Variants in MAGI2 observed in about 807,000 individuals in gnomAD.
The protein encoded by MAGI2 is membrane associated guanylate kinase, WW and PDZ domain containing 2, also known as membrane-associated guanylate kinase, WW and PDZ domain-containing protein 2.
A neutral mutation model predicts 133.3 loss-of-function variants in MAGI2; 35 were observed. The ratio of observed to expected loss-of-function variants is 0.26; its 90% CI spans 0.20 to 0.35. MAGI2 has a LOEUF of 0.35. Among genes scored for constraint, MAGI2 ranks in the 10% least tolerant of loss-of-function variants. The pLI is 1.00. For missense variants in MAGI2, 1,636 were observed against 1,863.4 expected, an observed-to-expected ratio of 0.88 and a Z score of 2.25; for synonymous variants, 729 against 710.6, an observed-to-expected ratio of 1.03 and a Z score of -0.41.
chr7:78,662,813 C>T (rs1467381062), intron 2 of MAGI2, among the ~76,000 whole-genome samples: 2 of 152,100 alleles, frequency 1.3e-5, no homozygotes, highest in African/African-American at 2.4e-5. Context: ...TTTGTATCTG[C>T]CTTCAAGCAG....
chr7:79,182,315 G>A (rs1826694119), intron 1 of MAGI2, among the ~76,000 whole-genome samples: 1 of 151,956 alleles, frequency 6.6e-6, no homozygotes, highest in Non-Finnish European at 1.5e-5. Context: ...CATGGAAGAA[G>A]GCAAGGAGGA....
At chr7:79,019,555 CT>C (rs562995300) in intron 1 of MAGI2, among the ~76,000 whole-genome samples, 10 of 150,486 alleles carry the variant, frequency 6.6e-5, no homozygotes, top group Admixed American at 1.3e-4. Context: ...TTTTTTCTTT[CT>C]TTTTTTTTGA....
chr7:78,449,741 C>T (rs1444546286), intron 6 of MAGI2, among the ~76,000 whole-genome samples: 1 of 152,064 alleles, frequency 6.6e-6, no homozygotes, highest in Non-Finnish European at 1.5e-5. Context: ...TGAGGGGGCT[C>T]ATTTGCTAAA....
intron 2 of MAGI2, among the ~76,000 whole-genome samples, chr7:78,988,508 C>A (rs2116288259): frequency 6.6e-6 from 1 of 152,176 alleles, no homozygotes; most frequent in East Asian, 1.9e-4. Context: ...CAGAAAATAT[C>A]TGAAAACATG....
chr7:79,114,555 G>A (rs1052739675), intron 1 of MAGI2, among the ~76,000 whole-genome samples: 1 of 152,154 alleles, frequency 6.6e-6, no homozygotes, highest in Non-Finnish European at 1.5e-5. Context: ...AGAACAGTTA[G>A]CTGCCATAGC....
At chr7:78,144,729 G>C (rs1823119563) in intron 16 of MAGI2, among the ~76,000 whole-genome samples, 1 of 152,150 alleles carries the variant, frequency 6.6e-6, no homozygotes, top group African/African-American at 2.4e-5. Context: ...GGTGGACTCT[G>C]TGTCAGTTTT....
intron 1 of MAGI2, among the ~76,000 whole-genome samples, chr7:79,441,896 C>T (rs1197479225): frequency 6.6e-6 from 1 of 152,060 alleles, no homozygotes; most frequent in African/African-American, 2.4e-5. Context: ...GCAGGTCTCT[C>T]ATTTTACTCT....
chr7:78,136,840 A>G (rs1822193933), intron 16 of MAGI2, among the ~76,000 whole-genome samples: 1 of 152,246 alleles, frequency 6.6e-6, no homozygotes. Flanking sequence ...AGGAAGGACA[A>G]TTAGTGATTT....
intron 1 of MAGI2, among the ~76,000 whole-genome samples, chr7:79,053,971 T>C (rs1207897844): frequency 1.3e-5 from 2 of 151,994 alleles, no homozygotes; most frequent in African/African-American, 4.8e-5. Context: ...CTGAGGTGGG[T>C]GGATCATTTG....
At chr7:79,041,391 T>C (rs914980723) in intron 1 of MAGI2, among the ~76,000 whole-genome samples, 2 of 152,206 alleles carry the variant, frequency 1.3e-5, no homozygotes, top group African/African-American at 2.4e-5. Context: ...CTTTATTGCA[T>C]CTCAAGCTCT....
chr7:78,900,580 C>G (rs1196890934), intron 2 of MAGI2, among the ~76,000 whole-genome samples: 1 of 152,150 alleles, frequency 6.6e-6, no homozygotes, highest in African/African-American at 2.4e-5. Context: ...GATACTTGCT[C>G]AGATATCATC....
intron 1 of MAGI2, among the ~76,000 whole-genome samples, chr7:79,150,275 A>G (rs1035814874): frequency 4.7e-5 from 7 of 150,092 alleles, no homozygotes; most frequent in South Asian, 2.1e-4. Flanking sequence ...AAAAACCCTT[A>G]AGGCACACAT....
chr7:78,070,332 A>G (rs1814452792), intron 21 of MAGI2, among the ~76,000 whole-genome samples: 1 of 149,094 alleles, frequency 6.7e-6, no homozygotes, highest in Admixed American at 6.7e-5. Flanking sequence ...AAAGGAAGAT[A>G]TGCTCAACCA....
chr7:78,181,745 C>T (rs1183058822), intron 13 of MAGI2, among the ~76,000 whole-genome samples: 5 of 152,168 alleles, frequency 3.3e-5, no homozygotes, highest in African/African-American at 9.6e-5. Flanking sequence ...ATTGCAAAAA[C>T]GAACTTTAAA....
chr7:79,309,968 T>TA lies in MAGI2; in HGVS notation c.301+143051dup, dbSNP rs111847690. On this transcript the variant is annotated intron_variant, in intron 1 of 21. Transcript: ENST00000354212. ...CAACATAGGGAAACCTTGTTTTTCC[T>TA]AAAAAAAAAAAAAAAGAAAAGAAAA... 7.8e-3 allele frequency among the ~76,000 whole-genome samples: 789 copies of TA among 101,484 alleles called. 5 individuals are homozygous for TA. Among genetic ancestry groups the TA allele is most frequent in the African/African-American group, 0.022 (593 of 26,960 alleles). 66.6% of individuals were successfully genotyped at this position (101,484 alleles called of 152,430 possible).
chr7:79,163,872 T>C (rs545629511), intron 1 of MAGI2, among the ~76,000 whole-genome samples: 2 of 152,184 alleles, frequency 1.3e-5, no homozygotes, highest in South Asian at 2.1e-4. Flanking sequence ...AAAGGCACAA[T>C]TGAAGACTCA....
chr7:78,496,368 G>T (rs1794085028), intron 5 of MAGI2, among the ~76,000 whole-genome samples: 1 of 152,152 alleles, frequency 6.6e-6, no homozygotes, highest in South Asian at 2.1e-4. Context: ...GGTTCTTGTT[G>T]TCTTTTTGTT....
At chr7:79,049,479 T>G (rs1812481171) in intron 1 of MAGI2, among the ~76,000 whole-genome samples, 1 of 152,144 alleles carries the variant, frequency 6.6e-6, no homozygotes, top group Non-Finnish European at 1.5e-5. Context: ...TAGAAAAGGA[T>G]GGATCCCTAT....
chr7:78,824,728 T>C (rs1790470534), intron 2 of MAGI2, among the ~76,000 whole-genome samples: 1 of 152,216 alleles, frequency 6.6e-6, no homozygotes, highest in African/African-American at 2.4e-5. Flanking sequence ...AGGTTGCCTG[T>C]TCACACTGCT....
Sources: allele counts gnomAD v4.1 joint callset (sites outside exome capture counted in the v4.1 genomes callset), GRCh38; gene constraint gnomAD v4.1.1; transcripts MANE v1.5; gene names NCBI Gene and HGNC (gene_info 2026-07-23, HGNC 2026-07-21).